ANKRD30B: variants seen among roughly 807,000 people sequenced by gnomAD.
ANKRD30B encodes ankyrin repeat domain-containing protein 30B.
A neutral mutation model predicts 202.2 loss-of-function variants in ANKRD30B; 144 were observed. That is an observed-to-expected ratio of 0.71 (90% confidence interval 0.62 to 0.82). ANKRD30B has a LOEUF of 0.82. Ranked by LOEUF, ANKRD30B falls within the 40% of genes least tolerant of loss-of-function variation. ANKRD30B has a pLI of 0.00. For missense variants in ANKRD30B, 1,487 were observed against 1,669.1 expected (o/e 0.89, Z 1.90); for synonymous variants, 508 against 561.3 (o/e 0.91, Z 1.34).
the ANKRD30B span, among the ~76,000 whole-genome samples, chr18:14,880,596 G>C: frequency 8.8e-6 from 1 of 113,190 alleles, no homozygotes. Flanking sequence ...GGGGAGTTTC[G>C]CTCTTGTCGC....
intron 30 of ANKRD30B, among the ~76,000 whole-genome samples, chr18:14,819,466 G>C (rs62086440): frequency 1.4e-5 from 2 of 143,828 alleles, no homozygotes; most frequent in Admixed American, 1.4e-4. Flanking sequence ...GTAATGCCTA[G>C]GTTTTCTTCT....
At chr18:14,888,096 C>T in the ANKRD30B span, among the ~76,000 whole-genome samples, 1 of 151,948 alleles carries the variant, frequency 6.6e-6, no homozygotes, top group African/African-American at 2.4e-5. Flanking sequence ...TAGGTATAAG[C>T]ATGTTCTAAT....
the ANKRD30B span, among the ~76,000 whole-genome samples, chr18:14,860,908 C>T: frequency 6.6e-6 from 1 of 152,066 alleles, no homozygotes; most frequent in Non-Finnish European, 1.5e-5. Flanking sequence ...TTCATGTTGG[C>T]CAGGCTGGTC....
At chr18:14,769,126 C>T (rs1052279051) in intron 7 of ANKRD30B, among the ~76,000 whole-genome samples, 1 of 152,064 alleles carries the variant, frequency 6.6e-6, no homozygotes, top group Admixed American at 6.6e-5. Flanking sequence ...GGATCATGCA[C>T]GAAAATATGC....
At chr18:14,888,929 T>C in the ANKRD30B span, 45 of 1,052,580 alleles carry the variant, frequency 4.3e-5, 1 homozygote, top group Admixed American at 2.5e-4. Flanking sequence ...CAAACAAACA[T>C]GTTCCAAATG....
chr18:14,927,068 T>C, the ANKRD30B span, among the ~76,000 whole-genome samples: 4 of 152,154 alleles, frequency 2.6e-5, no homozygotes, highest in East Asian at 7.7e-4. Flanking sequence ...AATGGATTTT[T>C]ACAATAAGAA....
At chr18:14,830,295 T>A (rs1164636374) in intron 33 of ANKRD30B, 1 of 152,910 alleles carries the variant, frequency 6.5e-6, no homozygotes, top group Non-Finnish European at 1.5e-5. Context: ...TCTAGCAGTC[T>A]CTCTCCTTGG....
chr18:14,786,689 A>G (rs1968103643), intron 14 of ANKRD30B, among the ~76,000 whole-genome samples: 2 of 152,218 alleles, frequency 1.3e-5, no homozygotes, highest in Admixed American at 6.5e-5. Flanking sequence ...AAATTTACAA[A>G]GAAATGAGAG....
chr18:14,795,529 T>C (rs1396927700), intron 16 of ANKRD30B, among the ~76,000 whole-genome samples: 5 of 152,106 alleles, frequency 3.3e-5, no homozygotes, highest in African/African-American at 1.2e-4. Context: ...TGCTTTGACT[T>C]TTCTGTATAA....
rs1379306031 is a variant in ANKRD30B, at chr18:14,748,635, G to C, written c.216G>C (p.Lys72Asn). Residue 72 changes from lysine (K) to asparagine (N), a missense_variant, in exon 1 of 44, where the codon AAG becomes AAC. Around this residue, in one of 6 missense-constraint regions of ANKRD30B, gnomAD observed 889 missense variants for 841.4 expected, o/e 1.06. Coordinates refer to ENST00000690538, the MANE Select transcript of ANKRD30B (RefSeq NM_001367607.2). ...KPVNLNKRDM[K>N]KRTALHWACV... Reference sequence around the variant, plus strand: ...TCAACCTGAACAAAAGAGATATGAAGAAGAGGTACCAGGCCCTGCCTGAGC... The same window carrying C: ...TCAACCTGAACAAAAGAGATATGAACAAGAGGTACCAGGCCCTGCCTGAGC... 4 of 1,559,548 alleles carry C rather than the reference G, an allele frequency of 2.6e-6. No homozygotes were observed. The highest frequency in any genetic ancestry group is 3.5e-6 in the Non-Finnish European group (4 of 1,151,930).
At chr18:14,932,738 A>G in the ANKRD30B span, among the ~76,000 whole-genome samples, 31 of 152,230 alleles carry the variant, frequency 2.0e-4, no homozygotes, top group African/African-American at 6.5e-4. Flanking sequence ...AGACCCTCTC[A>G]GGCTCTTCCC....
the ANKRD30B span, among the ~76,000 whole-genome samples, chr18:14,912,000 T>A: frequency 6.6e-6 from 1 of 152,324 alleles, no homozygotes; most frequent in Non-Finnish European, 1.5e-5. Flanking sequence ...AATTCATTTA[T>A]CAAATCTAAG....
the ANKRD30B span, among the ~76,000 whole-genome samples, chr18:14,870,947 G>T: frequency 6.7e-6 from 1 of 150,174 alleles, no homozygotes; most frequent in African/African-American, 2.5e-5. Flanking sequence ...GCCCCACCCA[G>T]AAGAGCCAAA....
chr18:14,916,043 T>C, the ANKRD30B span, among the ~76,000 whole-genome samples: 1 of 152,228 alleles, frequency 6.6e-6, no homozygotes, highest in Admixed American at 6.5e-5. Context: ...TAGATTTTGG[T>C]ATCTGGAGAT....
chr18:14,849,198 A>G (rs1324572272), intron 40 of ANKRD30B, among the ~76,000 whole-genome samples: 5 of 151,854 alleles, frequency 3.3e-5, no homozygotes, highest in Non-Finnish European at 7.4e-5. Context: ...AATTTTTTTG[A>G]TTTTTAATTT....
At chr18:14,845,205 T>C (rs1971581922) in intron 39 of ANKRD30B, among the ~76,000 whole-genome samples, 1 of 151,982 alleles carries the variant, frequency 6.6e-6, no homozygotes. Context: ...GGATTTCTTC[T>C]AGGCTTTTTA....
At chr18:14,924,559 C>T in the ANKRD30B span, among the ~76,000 whole-genome samples, 1 of 152,160 alleles carries the variant, frequency 6.6e-6, no homozygotes, top group Non-Finnish European at 1.5e-5. Context: ...GCATGAGGCC[C>T]TAATACAAGA....
chr18:14,769,830 A>C (rs1040127948), intron 8 of ANKRD30B, among the ~76,000 whole-genome samples: 4 of 152,206 alleles, frequency 2.6e-5, no homozygotes, highest in Non-Finnish European at 5.9e-5. Flanking sequence ...TAACATGTTT[A>C]ACTGTTAAAG....
At chr18:14,819,404 TG>T (rs1188950646) in intron 30 of ANKRD30B, among the ~76,000 whole-genome samples, 1 of 149,944 alleles carries the variant, frequency 6.7e-6, no homozygotes, top group African/African-American at 2.4e-5. Context: ...TTGTTGCCAT[TG>T]CTTTTGGTGT....
Sources: allele counts gnomAD v4.1 joint callset (sites outside exome capture counted in the v4.1 genomes callset), GRCh38; gene constraint gnomAD v4.1.1; regional missense constraint gnomAD v4.1.1; transcripts MANE v1.5; gene names NCBI Gene and HGNC (gene_info 2026-07-23, HGNC 2026-07-21).